AUTS2: variants seen among roughly 807,000 people sequenced by gnomAD.
AUTS2 encodes the protein activator of transcription and developmental regulator AUTS2, also known as autism susceptibility gene 2 protein.
AUTS2 carries 17 observed loss-of-function variants against 112.4 expected under a neutral mutation model. That is an observed-to-expected ratio of 0.15 (90% confidence interval 0.10 to 0.23). AUTS2 has a LOEUF of 0.23. Among genes scored for constraint, AUTS2 ranks in the 10% least tolerant of loss-of-function variants. The pLI is 1.00. For synonymous variants in AUTS2, 751 were observed against 702.7 expected (o/e 1.07, Z -1.09); for missense variants, 1,510 against 1,701.6 (o/e 0.89, Z 1.98).
At chr7:69,684,001 T>C (rs1419397078) in intron 1 of AUTS2, among the ~76,000 whole-genome samples, 1 of 152,190 alleles carries the variant, frequency 6.6e-6, no homozygotes, top group Non-Finnish European at 1.5e-5. Context: ...TCTGATTTTC[T>C]CCAGCTATAA....
At chr7:70,666,057 G>T (rs1355626246) in intron 5 of AUTS2, among the ~76,000 whole-genome samples, 1 of 152,132 alleles carries the variant, frequency 6.6e-6, no homozygotes, top group African/African-American at 2.4e-5. Flanking sequence ...AAGGTGCCGT[G>T]ACAGATTGTG....
At chr7:70,370,895 T>C (rs1375749106) in intron 4 of AUTS2, among the ~76,000 whole-genome samples, 3 of 152,092 alleles carry the variant, frequency 2.0e-5, no homozygotes, top group African/African-American at 7.2e-5. Context: ...TATCTCATTG[T>C]GGTTTTAGTC....
chr7:70,444,367 T>TGA lies in AUTS2; in HGVS notation c.690+8587_690+8588insAG, dbSNP rs1347705222. Among the ~76,000 whole-genome samples the TGA allele has an allele frequency of 2.2e-3, 309 of 138,796 alleles. 3 individuals carry two copies. The East Asian group carries it at 0.045, about 20-fold the overall frequency. The allele number at this position is 138,796 out of a possible 152,430, so 91.1% of individuals were successfully genotyped here. ...ACGTGTGTGTGTGTGTGTGTGTGTG[T>TGA]GTGTGTGAGAGAGAGAGAGAGAGAG... On this transcript the variant is annotated intron_variant, in intron 5 of 18. Coordinates refer to ENST00000342771, the MANE Select transcript of AUTS2 (RefSeq NM_015570.4).
intron 5 of AUTS2, among the ~76,000 whole-genome samples, chr7:70,676,553 G>A (rs6949410): frequency 0.32 from 48,876 of 151,986 alleles, 8,026 homozygotes; most frequent in Middle Eastern, 0.44. Flanking sequence ...GTTGCTAATG[G>A]TTTAAAACAG....
chr7:69,983,965 T>G (rs1216209724), intron 2 of AUTS2, among the ~76,000 whole-genome samples: 3 of 152,206 alleles, frequency 2.0e-5, no homozygotes, highest in Non-Finnish European at 2.9e-5. Flanking sequence ...CAGCTCTAGT[T>G]TCATTTTATC....
intron 1 of AUTS2, among the ~76,000 whole-genome samples, chr7:69,835,767 G>A (rs1440142111): frequency 1.3e-5 from 2 of 152,202 alleles, no homozygotes; most frequent in African/African-American, 2.4e-5. Context: ...TAGGAGGTAA[G>A]TGGTTGGAGA....
rs542433839 is a variant in AUTS2, at chr7:69,927,075, G to A, written c.522+27577G>A. 6.1e-5 allele frequency among the ~76,000 whole-genome samples: 9 copies of A among 147,194 alleles called. 1 individual carries two copies. The South Asian group carries it at 6.3e-4, about 10-fold the overall frequency. ...AAATGATATGTTAAATACTTTATTC[G>A]TCCACAAGGCCGCAAGAAAGAGGGT... On this transcript the variant is annotated intron_variant, in intron 2 of 18. Coordinates refer to ENST00000342771, the MANE Select transcript of AUTS2 (RefSeq NM_015570.4).
At chr7:70,658,794 G>A (rs1806915280) in intron 5 of AUTS2, among the ~76,000 whole-genome samples, 1 of 152,342 alleles carries the variant, frequency 6.6e-6, no homozygotes, top group Non-Finnish European at 1.5e-5. Context: ...GGTGCGAGGG[G>A]AGTGGAGAAA....
At chr7:69,883,003 C>T (rs1209644047) in intron 1 of AUTS2, among the ~76,000 whole-genome samples, 1 of 152,140 alleles carries the variant, frequency 6.6e-6, no homozygotes, top group African/African-American at 2.4e-5. Flanking sequence ...CAAGCACTTT[C>T]CACAAATTTC....
chr7:70,771,607 G>C lies in AUTS2; in HGVS notation c.1793G>C (p.Gly598Ala), dbSNP rs1790346116. ...ATCCCCCCTATGATCCCACCCACTG[G>C]CCCTTTTGGTTCACTACAAGGAGCA... ...SGIPPMIPPT[G>A]PFGSLQGAFQ... Residue 598 changes from glycine to alanine, a missense_variant, in exon 11 of 19, where the codon GGC (glycine) becomes GCC (alanine). Physicochemically the swap from Gly to Ala is moderately conservative, Grantham distance 60 (BLOSUM62 0). Around this residue, in one of 3 missense-constraint regions of AUTS2, gnomAD observed 187 missense variants for 309.7 expected, o/e 0.60. Transcript: ENST00000342771. 3.7e-6 allele frequency: 6 copies of C among 1,613,534 alleles called. No homozygotes were observed. Among genetic ancestry groups the C allele is most frequent in the African/African-American group, 1.3e-5 (1 of 74,902 alleles).
At chr7:70,666,972 TAA>T (rs5884791) in intron 5 of AUTS2, among the ~76,000 whole-genome samples, 24,844 of 135,606 alleles carry the variant, frequency 0.18, 2,314 homozygotes, top group Middle Eastern at 0.27. Context: ...GCCGTCTTCT[TAA>T]AAAAAAAAAA....
chr7:70,224,384 CAATACAATACAATACAATATAAT>C (rs1811654555), intron 4 of AUTS2, among the ~76,000 whole-genome samples: 1 of 132,878 alleles, frequency 7.5e-6, no homozygotes, highest in African/African-American at 3.0e-5. Flanking sequence ...CAATACAATA[CAATACAATACAATACAATATAAT>C]ACCATACAAT....
chr7:70,157,196 CT>C lies in AUTS2; in HGVS notation c.660+22629del, dbSNP rs530770449. ...TCTCTTTTCTGATAAACTGTTCCAG[CT>C]TTTCATCACTTTTTAATCAGCTTTC... On this transcript the variant is annotated intron_variant, in intron 4 of 18. Coordinates refer to ENST00000342771, the MANE Select transcript of AUTS2 (RefSeq NM_015570.4). Among the ~76,000 whole-genome samples, 16 of 152,082 alleles carry C rather than the reference CT, an allele frequency of 1.1e-4. No individual in the cohort carries two copies. The South Asian group carries it at 3.1e-3, about 30-fold the overall frequency.
rs1406595928 is a variant in AUTS2, at chr7:70,766,928, C to T, written c.1689+594C>T. Among the ~76,000 whole-genome samples the T allele has an allele frequency of 6.6e-6, 1 of 152,226 alleles. No homozygotes were observed. Among genetic ancestry groups the T allele is most frequent in the Non-Finnish European group, 1.5e-5 (1 of 68,046 alleles). On this transcript the variant is annotated intron_variant, in intron 9 of 18. Coordinates refer to ENST00000342771, the MANE Select transcript of AUTS2 (RefSeq NM_015570.4). The surrounding 1 kb of genome is among the most constrained non-coding windows in gnomAD (Gnocchi z 4.8). ...TTCAGGGATCCCCGCAGGGACAGAACGCTCTGCCTTGGGGCAAGAGGAACC... is the reference window on the plus strand; with the variant it reads ...TTCAGGGATCCCCGCAGGGACAGAATGCTCTGCCTTGGGGCAAGAGGAACC...
intron 1 of AUTS2, among the ~76,000 whole-genome samples, chr7:69,614,348 C>CT (rs1220418611): frequency 5.1e-5 from 4 of 78,424 alleles, no homozygotes; most frequent in Admixed American, 1.3e-4. Context: ...TTCTTTCTTT[C>CT]TTTCTTTCTT....
chr7:70,524,987 A>G (rs955269466), intron 5 of AUTS2, among the ~76,000 whole-genome samples: 3 of 152,206 alleles, frequency 2.0e-5, no homozygotes, highest in African/African-American at 7.2e-5. Flanking sequence ...TGGCATTTTC[A>G]TAAATCACAC....
chr7:70,334,711 C>G (rs1160679309), intron 4 of AUTS2, among the ~76,000 whole-genome samples: 2 of 152,150 alleles, frequency 1.3e-5, no homozygotes, highest in Non-Finnish European at 2.9e-5. Flanking sequence ...CTCTAACAAT[C>G]TTTCCTTTTT....
intron 3 of AUTS2, among the ~76,000 whole-genome samples, chr7:70,125,304 G>A (rs1475399878): frequency 6.7e-6 from 1 of 149,730 alleles, no homozygotes; most frequent in South Asian, 2.1e-4. Flanking sequence ...GTTTGCTTTT[G>A]TACTTTCTTG....
chr7:70,708,841 A>T (rs552524787), intron 6 of AUTS2, among the ~76,000 whole-genome samples: 4 of 152,148 alleles, frequency 2.6e-5, no homozygotes, highest in African/African-American at 4.8e-5. Context: ...TGGCAGTGCC[A>T]TAAAGATCTG....
Sources: allele counts gnomAD v4.1 joint callset (sites outside exome capture counted in the v4.1 genomes callset), GRCh38; gene constraint gnomAD v4.1.1; regional missense constraint gnomAD v4.1.1; non-coding constraint Gnocchi (gnomAD v3.1); transcripts MANE v1.5; gene names NCBI Gene and HGNC (gene_info 2026-07-23, HGNC 2026-07-21).